The following PIGG variants were observed in gnomAD, a reference collection of about 807,000 sequenced individuals.
PIGG encodes GPI ethanolamine phosphate transferase 2, catalytic subunit.
A neutral mutation model predicts 83.2 loss-of-function variants in PIGG; 70 were observed. The observed-to-expected ratio is 0.84, with a 90% CI of 0.69 to 1.03. The LOEUF is 1.03. Ranked by LOEUF, PIGG falls within the 50% of genes least tolerant of loss-of-function variation. PIGG has a pLI of 0.00. For synonymous variants in PIGG, 532 were observed against 519.5 expected (o/e 1.02, Z -0.33); for missense variants, 1,257 against 1,233.6 (o/e 1.02, Z -0.28).
intron 11 of PIGG, 179 bp from the exon 12 acceptor site, chr4:533,639 C>G: frequency 1.6e-6 from 1 of 619,886 alleles, no homozygotes; most frequent in Admixed American, 2.7e-5. Context: ...CTAGGCAAGG[C>G]CAGCTCGGCA....
At chr4:507,635 C>T (rs370727179) in intron 4 of PIGG, 42 bp downstream of exon 4, 8 of 1,514,032 alleles carry the variant, frequency 5.3e-6, no homozygotes, top group Admixed American at 3.8e-5. Context: ...TGTGGTTTCA[C>T]GTGGATGTTC....
rs764794953 is a variant in PIGG at position 521,651 on chromosome 4, C to T, written c.1333-9C>T. On this transcript the variant is annotated splice_polypyrimidine_tract_variant and intron_variant, in intron 7 of 12. Transcript: ENST00000453061. ...GCAGTCTGTGGATGCTGCTGTTTCTCTGTTCCAGGTTCTCACCCTGCTCCT... is the reference window on the plus strand; with the variant it reads ...GCAGTCTGTGGATGCTGCTGTTTCTTTGTTCCAGGTTCTCACCCTGCTCCT... The T allele has an allele frequency of 3.1e-6, 5 of 1,611,506 alleles. No homozygotes were observed. Among genetic ancestry groups the T allele is most frequent in the East Asian group, 2.2e-5 (1 of 44,826 alleles).
intron 10 of PIGG, 91 bp downstream of exon 10, chr4:527,321 G>C (rs1001511964): frequency 6.9e-7 from 1 of 1,442,896 alleles, no homozygotes; most frequent in African/African-American, 1.4e-5. Context: ...TTCACTGTTT[G>C]ATGAACTGAG....
Position 523,729 on chromosome 4 carries a change from G to T in PIGG, c.1885G>T (p.Asp629Tyr), listed in dbSNP as rs1386392826. Residue 629 changes from aspartate to tyrosine, a missense_variant, in exon 9 of 13, where the codon GAT (aspartate) becomes TAT (tyrosine). Asp to Tyr is a radical substitution (Grantham distance 160, BLOSUM62 -3). Coordinates refer to ENST00000453061, the MANE Select transcript of PIGG (RefSeq NM_001127178.3). The stretch of plus-strand genomic sequence containing the variant: ...AGCGTGGCAGGACGGGCCTGGCTGT[G>T]ATGTCCTGGAGCGAGACAAAGGCCA... ...TAAWQDGPGC[D>Y]VLERDKGHGS... is the part of the protein sequence containing the mutation. 1 of 1,614,194 alleles carries T rather than the reference G, an allele frequency of 6.2e-7. No homozygotes were observed. The highest frequency in any genetic ancestry group is 1.3e-5 in the African/African-American group (1 of 75,074).
At chr4:527,289 G>T in intron 10 of PIGG, 59 bp downstream of exon 10, 1 of 1,492,946 alleles carries the variant, frequency 6.7e-7, no homozygotes, top group South Asian at 1.4e-5. Context: ...AGAACTGGCG[G>T]ACACGGGGCG....
chr4:508,249 G>T (rs1186645594), intron 4 of PIGG, among the ~76,000 whole-genome samples: 1 of 152,244 alleles, frequency 6.6e-6, no homozygotes, highest in Non-Finnish European at 1.5e-5. Context: ...GAAGACGTGT[G>T]CAGGGTGAGC....
At chr4:499,982 G>A (rs571436297) in intron 1 of PIGG, 16 of 231,368 alleles carry the variant, frequency 6.9e-5, no homozygotes, top group Admixed American at 6.7e-4. Flanking sequence ...GCCATATACA[G>A]CAAGTAAAGG....
At chr4:535,111 C>G (rs1263519073) in intron 12 of PIGG, among the ~76,000 whole-genome samples, 1 of 152,254 alleles carries the variant, frequency 6.6e-6, no homozygotes, top group Admixed American at 6.5e-5. Flanking sequence ...AGCCTCAGTG[C>G]CTGGCCTGGC....
chr4:509,408 A>G (rs964261082), intron 5 of PIGG, among the ~76,000 whole-genome samples: 1 of 152,198 alleles, frequency 6.6e-6, no homozygotes, highest in African/African-American at 2.4e-5. Flanking sequence ...GTATTCAGAC[A>G]CGCCCCAAAC....
At chr4:512,306 G>A (rs1422409609) in intron 5 of PIGG, among the ~76,000 whole-genome samples, 3 of 138,692 alleles carry the variant, frequency 2.2e-5, no homozygotes, top group Non-Finnish European at 3.0e-5. Context: ...TGCCACCTCC[G>A]CCTCCCGGGT....
chr4:519,987 C>T (rs1415931045), intron 6 of PIGG, among the ~76,000 whole-genome samples: 1 of 149,388 alleles, frequency 6.7e-6, no homozygotes, highest in East Asian at 2.0e-4. Flanking sequence ...TGCTTGCAGG[C>T]GTGTGGGTTC....
Position 507,458 on chromosome 4 carries a change from G to A in PIGG, c.624G>A (p.Trp208Ter), listed in dbSNP as rs1553880152. 4 of 1,613,754 alleles carry A rather than the reference G, an allele frequency of 2.5e-6. No individual in the cohort carries two copies. Among genetic ancestry groups the A allele is most frequent in the African/African-American group, 1.3e-5 (1 of 74,906 alleles). Residue 208 changes from tryptophan to a stop codon, truncating the protein, a stop_gained, in exon 4 of 13, where the codon TGG becomes TGA. Transcript: ENST00000453061. LOFTEE classifies it high-confidence loss of function. ...ATAAAGTATTAAAAAGAGGAGATTG[G>A]GACATATTAATCCTCCACTACCTGG... ...HLDKVLKRGDWDILILHYLGL... is the reference protein window; with the variant it reads ...HLDKVLKRGD
At chr4:510,615 G>C (rs782448775) in intron 5 of PIGG, among the ~76,000 whole-genome samples, 9 of 152,190 alleles carry the variant, frequency 5.9e-5, no homozygotes, top group Admixed American at 5.9e-4. Flanking sequence ...AGCTGCATGC[G>C]TGCAGGCTGC....
At chr4:518,834 T>G (rs1173958499) in intron 6 of PIGG, among the ~76,000 whole-genome samples, 1 of 152,104 alleles carries the variant, frequency 6.6e-6, no homozygotes, top group African/African-American at 2.4e-5. Flanking sequence ...AAATGGGGTA[T>G]GTGTTCTGAC....
intron 12 of PIGG, chr4:536,299 C>CA (rs918610797): frequency 2.6e-5 from 4 of 152,340 alleles, no homozygotes; most frequent in African/African-American, 9.6e-5. Context: ...GCTCCCTGGC[C>CA]AGACTGCAAG....
At chr4:519,752 G>A (rs561171139) in intron 6 of PIGG, among the ~76,000 whole-genome samples, 29 of 132,984 alleles carry the variant, frequency 2.2e-4, no homozygotes, top group Admixed American at 1.2e-3. Flanking sequence ...GCAGTGGGGT[G>A]GGCCTGCAGG....
intron 8 of PIGG, 146 bp from the exon 9 acceptor site, chr4:523,313 G>C (rs1726573939): frequency 1.4e-6 from 1 of 693,996 alleles, no homozygotes; most frequent in Admixed American, 2.3e-5. Flanking sequence ...GAAGGGGGCT[G>C]TTCCAGAGTA....
chr4:522,197 G>A (rs369592458), intron 8 of PIGG: 15 of 601,888 alleles, frequency 2.5e-5, no homozygotes, highest in African/African-American at 3.7e-5. Flanking sequence ...AGGTTCCTGC[G>A]ACTGTTACCA....
chr4:500,177 T>G (rs1717106696), intron 1 of PIGG: 9 of 575,004 alleles, frequency 1.6e-5, no homozygotes, highest in Non-Finnish European at 2.8e-5. Flanking sequence ...TGAGGATAAT[T>G]CACTGCTTGC....
Sources: gnomAD v4.1 joint callset for allele counts (sites outside exome capture counted in the v4.1 genomes callset) on GRCh38, gnomAD v4.1.1 for gene constraint, MANE v1.5 for transcripts, NCBI Gene and HGNC (gene_info 2026-07-23, HGNC 2026-07-21) for gene names.